The following FMN2 variants were observed in gnomAD, a reference collection of about 807,000 sequenced individuals.
The protein encoded by FMN2 is formin 2.
Under a neutral mutation model 142.3 loss-of-function variants are expected in FMN2, and 51 were observed. That is an observed-to-expected ratio of 0.36 (90% confidence interval 0.29 to 0.45). The LOEUF (loss-of-function observed/expected upper bound fraction) is 0.45, where lower values mean the gene tolerates loss of function less well. Ranked by LOEUF, FMN2 falls within the 20% of genes least tolerant of loss-of-function variation. FMN2 has a pLI of 1.00. For synonymous variants in FMN2, 882 were observed against 869.8 expected, an observed-to-expected ratio of 1.01 and a Z score of -0.25; for missense variants, 1,936 against 2,122.8, an observed-to-expected ratio of 0.91 and a Z score of 1.73.
Position 240,228,315 on chromosome 1 carries a change from AAAAAAAAAAAAAAAAAAG to A in FMN2, c.4065+17086_4065+17103del, listed in dbSNP as rs1433980583. On this transcript the variant is annotated intron_variant, in intron 6 of 17. Coordinates refer to ENST00000319653, the MANE Select transcript of FMN2 (RefSeq NM_020066.5). ...TGAAACTCTGTCTCAAAAAAAAAAA[AAAAAAAAAAAAAAAAAAG>A]AAAAAGAAAAAGAAAAAGAAAGAAA... Among the ~76,000 whole-genome samples, 22 of 104,706 alleles carry A rather than the reference AAAAAAAAAAAAAAAAAAG, an allele frequency of 2.1e-4. 1 individual carries two copies. The highest frequency in any genetic ancestry group is 9.1e-4 in the South Asian group (3 of 3,280). The allele number at this position is 104,706 out of a possible 152,430, so 68.7% of individuals were successfully genotyped here.
intron 16 of FMN2, among the ~76,000 whole-genome samples, chr1:240,445,096 G>A (rs1024527048): frequency 3.3e-5 from 5 of 152,174 alleles, no homozygotes; most frequent in Non-Finnish European, 7.3e-5. Flanking sequence ...CAGAAGAGTC[G>A]ACAAACAGGA....
chr1:240,108,585 T>C (rs1250695947), intron 1 of FMN2, among the ~76,000 whole-genome samples: 1 of 152,222 alleles, frequency 6.6e-6, no homozygotes, highest in African/African-American at 2.4e-5. Context: ...TAGATAGTTA[T>C]GTCTGAGCTA....
intron 8 of FMN2, among the ~76,000 whole-genome samples, chr1:240,314,181 T>C (rs1670689724): frequency 6.6e-6 from 1 of 152,180 alleles, no homozygotes; most frequent in Admixed American, 6.5e-5. Flanking sequence ...TAGCATTCTA[T>C]GAATAGTAGT....
intron 15 of FMN2, among the ~76,000 whole-genome samples, chr1:240,397,576 G>GACCAGCCTGGTCA (rs1359235729): frequency 6.6e-6 from 1 of 152,012 alleles, no homozygotes; most frequent in African/African-American, 2.4e-5. Flanking sequence ...AGGAGTTTGA[G>GACCAGCCTGGTCA]ACCAGCCTGG....
At chr1:240,438,980 T>TA (rs2103182018) in intron 16 of FMN2, among the ~76,000 whole-genome samples, 1 of 152,216 alleles carries the variant, frequency 6.6e-6, no homozygotes, top group African/African-American at 2.4e-5. Flanking sequence ...TTAGAAAACT[T>TA]ACATCCTGTG....
intron 3 of FMN2, among the ~76,000 whole-genome samples, chr1:240,184,945 C>T (rs867711023): frequency 2.8e-5 from 4 of 140,932 alleles, no homozygotes; most frequent in African/African-American, 1.0e-4. Flanking sequence ...CCCTCCTATA[C>T]CTTCCCCTTC....
chr1:240,113,557 CAAAAAAAAAAAA>C (rs34741987), intron 1 of FMN2, among the ~76,000 whole-genome samples: 3 of 88,498 alleles, frequency 3.4e-5, no homozygotes, highest in Non-Finnish European at 6.2e-5. Flanking sequence ...GACTCCGTCT[CAAAAAAAAAAAA>C]AAAAAAAAAA....
intron 6 of FMN2, among the ~76,000 whole-genome samples, chr1:240,228,774 A>G (rs1667436408): frequency 6.9e-6 from 1 of 145,818 alleles, no homozygotes; most frequent in African/African-American, 2.5e-5. Flanking sequence ...TTTCAACCTC[A>G]AAAAACCTTA....
At position 240,330,697 on chromosome 1, in the gene FMN2, C is replaced by A; in HGVS notation, c.4532C>A (p.Ala1511Glu). The change falls in exon 11 of 18, where the codon GCA becomes GAA. Residue 1511 changes from alanine (A) to glutamate (E), a missense_variant. Ala to Glu is a moderately radical substitution (Grantham distance 107). Around this residue, in one of 8 missense-constraint regions of FMN2, gnomAD observed 322 missense variants for 401.6 expected, o/e 0.80. Transcript: ENST00000319653. ...GGAGGAAATAAGACTCGAGGACAGG[C>A]AGATGGCTTTGGATTAGACATTCTT... ...MNGGNKTRGQ[A>E]DGFGLDILPK... 1.2e-6 allele frequency: 2 copies of A among 1,613,976 alleles called. No homozygotes were observed. Among genetic ancestry groups the A allele is most frequent in the Non-Finnish European group, 1.7e-6 (2 of 1,179,926 alleles).
At chr1:240,096,010 A>G (rs1661184331) in intron 1 of FMN2, among the ~76,000 whole-genome samples, 1 of 152,208 alleles carries the variant, frequency 6.6e-6, no homozygotes, top group South Asian at 2.1e-4. Context: ...CCGTATGTTT[A>G]TGTCATTCAC....
At chr1:240,402,020 C>G (rs893797325) in intron 15 of FMN2, among the ~76,000 whole-genome samples, 4 of 152,208 alleles carry the variant, frequency 2.6e-5, no homozygotes, top group African/African-American at 9.6e-5. Context: ...AGTGTGGCTC[C>G]TAAGAGGCCT....
intron 13 of FMN2, among the ~76,000 whole-genome samples, chr1:240,353,334 T>C (rs1311266207): frequency 6.6e-6 from 1 of 152,186 alleles, no homozygotes; most frequent in Non-Finnish European, 1.5e-5. Flanking sequence ...TACCATATAA[T>C]GCAACTAAGA....
chr1:240,423,454 G>A (rs559681914), intron 15 of FMN2, among the ~76,000 whole-genome samples: 1 of 152,182 alleles, frequency 6.6e-6, no homozygotes, highest in Non-Finnish European at 1.5e-5. Context: ...TTTGCAGTTC[G>A]TTTAAACTGG....
intron 7 of FMN2, among the ~76,000 whole-genome samples, chr1:240,271,774 T>A (rs2102921543): frequency 6.6e-6 from 1 of 152,236 alleles, no homozygotes; most frequent in Admixed American, 6.5e-5. Context: ...TATGAGAATT[T>A]GTTTTAATTT....
In FMN2 at chr1:240,285,320, A is replaced by T. The variant is rs1412882301; in HGVS notation, c.4154-9502A>T. The T allele has an allele frequency of 8.8e-6, 4 of 455,084 alleles. No homozygotes were observed. In the Admixed American group the frequency reaches 9.4e-5, roughly 11 times the overall value. The allele number at this position is 455,084 out of a possible 1,614,324, so 28.2% of individuals were successfully genotyped here. A position where few individuals can be genotyped will look rare whatever the true frequency, so the allele number is the denominator to read the frequency against. ...GACAGTTCCTCTGAACACCAAGCAGATGGAGGCTCCGTCATGTAAGACAGA... is the reference window on the plus strand; with the variant it reads ...GACAGTTCCTCTGAACACCAAGCAGTTGGAGGCTCCGTCATGTAAGACAGA... On this transcript the variant is annotated intron_variant, in intron 7 of 17. Coordinates refer to ENST00000319653, the MANE Select transcript of FMN2 (RefSeq NM_020066.5).
intron 8 of FMN2, among the ~76,000 whole-genome samples, chr1:240,328,605 T>C (rs1558436022): frequency 7.1e-5 from 4 of 56,498 alleles, no homozygotes; most frequent in East Asian, 7.4e-4. Flanking sequence ...ATTTATTTAT[T>C]TGAGACAAGA....
At chr1:240,148,873 G>C (rs1172571952) in intron 2 of FMN2, among the ~76,000 whole-genome samples, 2 of 152,014 alleles carry the variant, frequency 1.3e-5, no homozygotes, top group Non-Finnish European at 2.9e-5. Context: ...TCAGGAGGCT[G>C]AGGCAGGAGA....
At chr1:240,185,657 CG>C (rs1465066250) in intron 3 of FMN2, among the ~76,000 whole-genome samples, 1 of 152,106 alleles carries the variant, frequency 6.6e-6, no homozygotes, top group Non-Finnish European at 1.5e-5. Flanking sequence ...GTCCAGTTAC[CG>C]GGTCAAGGAC....
At chr1:240,276,940 G>T (rs1453042964) in intron 7 of FMN2, among the ~76,000 whole-genome samples, 1 of 152,136 alleles carries the variant, frequency 6.6e-6, no homozygotes, top group Non-Finnish European at 1.5e-5. Flanking sequence ...CTAGTTCACT[G>T]GGGAAATTGC....
Sources: gnomAD v4.1 joint callset for allele counts (sites outside exome capture counted in the v4.1 genomes callset) on GRCh38, gnomAD v4.1.1 for gene constraint, gnomAD v4.1.1 regional missense constraint, MANE v1.5 for transcripts, NCBI Gene and HGNC (gene_info 2026-07-23, HGNC 2026-07-21) for gene names.